The following UNC13B variants were observed in gnomAD, a reference collection of about 807,000 sequenced individuals.
UNC13B encodes the protein protein unc-13 homolog B.
In UNC13B, 144 loss-of-function variants were observed where a neutral mutation model predicts 211.0. The observed-to-expected ratio is 0.68, with a 90% CI of 0.60 to 0.78. UNC13B has a LOEUF of 0.78. UNC13B is among the 30% of genes least tolerant of loss of function. The pLI is 0.00. For missense variants in UNC13B, 1,777 were observed against 2,002.0 expected (o/e 0.89, Z 2.14); for synonymous variants, 709 against 725.8 (o/e 0.98, Z 0.37).
rs997590855 is a variant in UNC13B at position 35,227,952 on chromosome 9, A to G, written c.23-63A>G. The G allele has an allele frequency of 4.1e-6, 6 of 1,462,894 alleles. No homozygotes were observed. The African/African-American group carries it at 7.0e-5, about 17-fold the overall frequency. 90.6% of individuals were successfully genotyped at this position (1,462,894 alleles called of 1,614,324 possible). A position where few individuals can be genotyped will look rare whatever the true frequency, so the allele number is the denominator to read the frequency against. Reference sequence around the variant, plus strand: ...AACATTGGTATGTAGTGCCTAATAAATGTTGCTTAAGTAAAATGAACTTGG... The same window carrying G: ...AACATTGGTATGTAGTGCCTAATAAGTGTTGCTTAAGTAAAATGAACTTGG... On this transcript the variant is annotated intron_variant, in intron 1 of 39. Transcript: ENST00000635942.
chr9:35,194,793 C>T (rs1231357014), intron 1 of UNC13B, among the ~76,000 whole-genome samples: 4 of 152,086 alleles, frequency 2.6e-5, no homozygotes, highest in Non-Finnish European at 5.9e-5. Flanking sequence ...GGGGTAAATA[C>T]CCAGCGTCTG....
intron 7 of UNC13B, among the ~76,000 whole-genome samples, chr9:35,260,058 A>AAC (rs1373713408): frequency 1.3e-5 from 2 of 149,706 alleles, no homozygotes; most frequent in African/African-American, 4.9e-5. Context: ...AAAAAAAAAA[A>AAC]AAAAAACCAA....
intron 23 of UNC13B, 89 bp downstream of exon 23, chr9:35,385,902 G>C: frequency 1.3e-6 from 2 of 1,520,544 alleles, no homozygotes; most frequent in Non-Finnish European, 1.8e-6. Context: ...CAGAGTCTGA[G>C]GCTACAGGAT....
rs1210284224 is a variant in UNC13B, at chr9:35,397,811, C to A, written c.11754+99C>A. The A allele has an allele frequency of 3.3e-6, 4 of 1,204,502 alleles. No individual in the cohort carries two copies. In the African/African-American group the frequency reaches 4.5e-5, roughly 14 times the overall value. 74.6% of individuals were successfully genotyped at this position (1,204,502 alleles called of 1,614,324 possible). ...CAGAATTGAGGGTTGGGGTGACACT[C>A]CTGATGCCTGATTCCCACCATGGCT... On this transcript the variant is annotated intron_variant, in intron 30 of 39. Transcript: ENST00000635942.
intron 11 of UNC13B, among the ~76,000 whole-genome samples, chr9:35,348,116 T>C (rs576811987): frequency 5.9e-5 from 9 of 152,262 alleles, no homozygotes; most frequent in African/African-American, 1.9e-4. Context: ...CAAAAACTTA[T>C]GTCTGCAGTA....
rs1564139389 is a variant in UNC13B at position 35,328,642 on chromosome 9, T to TCCTTCCTC, written c.9414+14660_9414+14661insCCCTTCCT. On this transcript the variant is annotated intron_variant, in intron 11 of 39. Transcript: ENST00000635942. ...TTCCTTCCTTCCTTCCTTCCTTCCT[T>TCCTTCCTC]CCTTCCTTCCTTCCTTCCTTCCTCC... Among the ~76,000 whole-genome samples the TCCTTCCTC allele has an allele frequency of 4.1e-4, 35 of 84,478 alleles. 3 individuals are homozygous for TCCTTCCTC. The highest frequency in any genetic ancestry group is 1.7e-3 in the South Asian group (4 of 2,300). 55.4% of individuals were successfully genotyped at this position (84,478 alleles called of 152,430 possible). A position where few individuals can be genotyped will look rare whatever the true frequency, so the allele number is the denominator to read the frequency against.
Position 35,252,217 on chromosome 9 carries a change from G to T in UNC13B, c.469-6776G>T, listed in dbSNP as rs1450511698. ...AAATTCAACAGTGGATTCAAGTATT[G>T]TCAGCCCATTTCATTCATTATGATG... On this transcript the variant is annotated intron_variant, in intron 6 of 39. Coordinates refer to ENST00000635942, the MANE Select transcript of UNC13B (RefSeq NM_001371189.2). Among the ~76,000 whole-genome samples, 3 of 152,254 alleles carry T rather than the reference G, an allele frequency of 2.0e-5. No individual in the cohort carries two copies. In the South Asian group the frequency reaches 6.2e-4, roughly 32 times the overall value.
chr9:35,236,481 C>T lies in UNC13B; in HGVS notation c.165C>T (p.Arg55=). 6.2e-7 allele frequency: 1 copy of T among 1,613,986 alleles called. No individual in the cohort carries two copies. Among genetic ancestry groups the T allele is most frequent in the African/African-American group, 1.3e-5 (1 of 75,032 alleles). ...CTCTTTCCCTTAGTGAGATTAGTCG[C>T]CTGGACCTGGGTCTAAGTGTGGAGG... ...WEQDFMFEIS[R]LDLGLSVEVW... is the part of the protein sequence containing the mutation. The change falls in exon 4 of 40, where the codon CGC becomes CGT. Residue 55 remains arginine, a synonymous_variant. Transcript: ENST00000635942.
chr9:35,396,382 T>G (rs1242811984), intron 26 of UNC13B, 94 bp from the exon 27 acceptor site: 5 of 1,522,066 alleles, frequency 3.3e-6, no homozygotes, highest in East Asian at 2.3e-5. Flanking sequence ...AGACATCTGA[T>G]GGAGCTGCCT....
intron 7 of UNC13B, among the ~76,000 whole-genome samples, chr9:35,265,988 C>A (rs1827553064): frequency 6.6e-6 from 1 of 152,002 alleles, no homozygotes; most frequent in African/African-American, 2.4e-5. Flanking sequence ...TCACACCCGG[C>A]TAATTTTTGT....
chr9:35,403,386 C>G, intron 38 of UNC13B, 54 bp from the exon 39 acceptor site: 3 of 1,606,134 alleles, frequency 1.9e-6, no homozygotes, highest in Non-Finnish European at 2.6e-6. Flanking sequence ...ACCTGGGGTT[C>G]AAGAACTGGG....
chr9:35,312,368 C>T (rs969649077), intron 10 of UNC13B, among the ~76,000 whole-genome samples: 1 of 152,206 alleles, frequency 6.6e-6, no homozygotes, highest in Non-Finnish European at 1.5e-5. Flanking sequence ...TCTCTGGTAG[C>T]TCATCTAATA....
intron 6 of UNC13B, among the ~76,000 whole-genome samples, chr9:35,253,048 T>A (rs904190741): frequency 6.6e-6 from 1 of 152,350 alleles, no homozygotes; most frequent in Non-Finnish European, 1.5e-5. Flanking sequence ...CTCAGCAACT[T>A]CTCAAGGTGA....
chr9:35,313,748 G>A (rs569300640), intron 10 of UNC13B, 151 bp from the exon 11 acceptor site: 1 of 577,148 alleles, frequency 1.7e-6, no homozygotes, highest in East Asian at 3.0e-5. Flanking sequence ...GGATATTCAA[G>A]TACTATGCTG....
At chr9:35,271,683 C>A (rs1352618569) in intron 7 of UNC13B, among the ~76,000 whole-genome samples, 2 of 152,180 alleles carry the variant, frequency 1.3e-5, no homozygotes, top group Non-Finnish European at 2.9e-5. Flanking sequence ...GTTGCCATAC[C>A]AGTCTGACTA....
At chr9:35,260,042 A>AAAAG (rs1827174290) in intron 7 of UNC13B, among the ~76,000 whole-genome samples, 1 of 145,912 alleles carries the variant, frequency 6.9e-6, no homozygotes, top group East Asian at 2.0e-4. Context: ...TTTCTACAAA[A>AAAAG]AAAAAAAAAA....
intron 36 of UNC13B, 62 bp from the exon 37 acceptor site, chr9:35,400,234 A>G (rs916358379): frequency 1.4e-5 from 23 of 1,588,824 alleles, no homozygotes; most frequent in Non-Finnish European, 1.9e-5. Context: ...TCTGAGGACA[A>G]TGTTGGGGAG....
At chr9:35,317,279 C>T (rs1830507597) in intron 11 of UNC13B, among the ~76,000 whole-genome samples, 1 of 152,032 alleles carries the variant, frequency 6.6e-6, no homozygotes, top group Non-Finnish European at 1.5e-5. Context: ...TAGCTCACTG[C>T]AGCGTCAACC....
At chr9:35,246,138 A>C (rs1826084828) in intron 6 of UNC13B, among the ~76,000 whole-genome samples, 1 of 151,780 alleles carries the variant, frequency 6.6e-6, no homozygotes, top group Non-Finnish European at 1.5e-5. Context: ...TGTTGGCTGC[A>C]TAAATGTCTT....
Sources: gnomAD v4.1 joint callset for allele counts (sites outside exome capture counted in the v4.1 genomes callset) on GRCh38, gnomAD v4.1.1 for gene constraint, MANE v1.5 for transcripts, NCBI Gene and HGNC (gene_info 2026-07-23, HGNC 2026-07-21) for gene names.